SORCS2: variants seen among roughly 807,000 people sequenced by gnomAD.
SORCS2 encodes the protein sortilin related VPS10 domain containing receptor 2.
In SORCS2, 100 loss-of-function variants were observed where a neutral mutation model predicts 141.6. The ratio of observed to expected loss-of-function variants is 0.71; its 90% CI spans 0.60 to 0.83. SORCS2 has a LOEUF of 0.83. SORCS2 is among the 40% of genes least tolerant of loss of function. The pLI, the probability that SORCS2 is intolerant of heterozygous loss-of-function variation, is 0.00. For synonymous variants in SORCS2, 789 were observed against 676.9 expected, an observed-to-expected ratio of 1.17 and a Z score of -2.57; for missense variants, 1,646 against 1,560.2, an observed-to-expected ratio of 1.05 and a Z score of -0.93.
At chr4:7,344,004 G>T (rs1720515209) in intron 1 of SORCS2, among the ~76,000 whole-genome samples, 1 of 152,172 alleles carries the variant, frequency 6.6e-6, no homozygotes, top group African/African-American at 2.4e-5. Flanking sequence ...TGGCTTCTAG[G>T]CCCTGGTACA....
At chr4:7,227,388 C>T (rs867123651) in intron 1 of SORCS2, among the ~76,000 whole-genome samples, 1 of 152,226 alleles carries the variant, frequency 6.6e-6, no homozygotes, top group African/African-American at 2.4e-5. Context: ...GCGAGGGAGC[C>T]GCTTTCTTCT....
chr4:7,527,190 TCGGAC>T (rs1733749261), intron 2 of SORCS2, among the ~76,000 whole-genome samples: 1 of 152,068 alleles, frequency 6.6e-6, no homozygotes, highest in Non-Finnish European at 1.5e-5. Flanking sequence ...TACACATACC[TCGGAC>T]CCGGCTCAAA....
At chr4:7,557,155 G>A (rs1714193492) in intron 3 of SORCS2, among the ~76,000 whole-genome samples, 1 of 152,100 alleles carries the variant, frequency 6.6e-6, no homozygotes, top group South Asian at 2.1e-4. Flanking sequence ...CTTCTTATGG[G>A]GACACTGAGG....
At chr4:7,554,615 G>A (rs1237365315) in intron 3 of SORCS2, among the ~76,000 whole-genome samples, 3 of 152,188 alleles carry the variant, frequency 2.0e-5, no homozygotes, top group Non-Finnish European at 2.9e-5. Context: ...TGTGTAGGTA[G>A]AATGATGAAA....
intron 1 of SORCS2, among the ~76,000 whole-genome samples, chr4:7,389,542 A>G (rs1354677477): frequency 6.6e-6 from 1 of 152,184 alleles, no homozygotes; most frequent in Non-Finnish European, 1.5e-5. Flanking sequence ...CCTGCTGCTG[A>G]TGAATTCACT....
chr4:7,313,964 G>C (rs1169107091), intron 1 of SORCS2, among the ~76,000 whole-genome samples: 1 of 152,220 alleles, frequency 6.6e-6, no homozygotes, highest in East Asian at 1.9e-4. Flanking sequence ...CCATGCCACA[G>C]GTGCTCAGAG....
At chr4:7,313,242 C>T (rs958300347) in intron 1 of SORCS2, among the ~76,000 whole-genome samples, 3 of 152,238 alleles carry the variant, frequency 2.0e-5, no homozygotes, top group Admixed American at 6.5e-5. Context: ...GCTAAACGTG[C>T]GCTGTGGGCA....
At chr4:7,236,795 G>T (rs1247905692) in intron 1 of SORCS2, among the ~76,000 whole-genome samples, 1 of 152,196 alleles carries the variant, frequency 6.6e-6, no homozygotes, top group African/African-American at 2.4e-5. Context: ...TGGCCAGGCT[G>T]GTCTCGAACT....
At position 7,299,190 on chromosome 4, in the gene SORCS2, G is replaced by T. The variant is rs183902992; in HGVS notation, c.481-97098G>T. ...AGTCAGGGCGGCCTGTCCGGGGCTG[G>T]GGGTGGGCCCCCTGGCAGCCGGAGC... On this transcript the variant is annotated intron_variant, in intron 1 of 26. Coordinates refer to ENST00000507866, the MANE Select transcript of SORCS2 (RefSeq NM_020777.3). 3.7e-3 allele frequency among the ~76,000 whole-genome samples: 564 copies of T among 152,364 alleles called. 4 individuals carry two copies. The highest frequency in any genetic ancestry group is 3.5e-3 in the Non-Finnish European group (235 of 68,032).
At chr4:7,602,788 T>TC (rs1717814923) in intron 3 of SORCS2, among the ~76,000 whole-genome samples, 1 of 152,114 alleles carries the variant, frequency 6.6e-6, no homozygotes, top group South Asian at 2.1e-4. Flanking sequence ...ATCTCGGCAC[T>TC]TTGGGAGGCC....
chr4:7,606,945 G>A (rs1406431923), intron 3 of SORCS2, among the ~76,000 whole-genome samples: 1 of 152,168 alleles, frequency 6.6e-6, no homozygotes, highest in Non-Finnish European at 1.5e-5. Flanking sequence ...GATAAACAGA[G>A]TGGGGACAAC....
At chr4:7,477,785 T>C (rs1369241420) in intron 2 of SORCS2, among the ~76,000 whole-genome samples, 1 of 152,226 alleles carries the variant, frequency 6.6e-6, no homozygotes, top group African/African-American at 2.4e-5. Flanking sequence ...CCCAGAATTC[T>C]GTCTCCAAAT....
intron 9 of SORCS2, among the ~76,000 whole-genome samples, chr4:7,677,606 G>A (rs1383559356): frequency 6.6e-6 from 1 of 152,192 alleles, no homozygotes; most frequent in African/African-American, 2.4e-5. Context: ...TCCCGTGGGT[G>A]GCCAGTAGAC....
intron 2 of SORCS2, among the ~76,000 whole-genome samples, chr4:7,435,174 T>TG (rs1393674889): frequency 6.6e-6 from 1 of 152,134 alleles, no homozygotes; most frequent in Non-Finnish European, 1.5e-5. Flanking sequence ...TCCTGGCCCC[T>TG]GGGCTGTGTC....
chr4:7,550,882 C>T (rs897530726), intron 3 of SORCS2, among the ~76,000 whole-genome samples: 2 of 152,198 alleles, frequency 1.3e-5, no homozygotes, highest in African/African-American at 4.8e-5. Context: ...CTCACCCGCT[C>T]ATCTGCTGTC....
At chr4:7,316,696 T>A (rs912998141) in intron 1 of SORCS2, among the ~76,000 whole-genome samples, 3 of 152,196 alleles carry the variant, frequency 2.0e-5, no homozygotes, top group Non-Finnish European at 4.4e-5. Context: ...AGTGCTGAAA[T>A]GTTCTGTTCA....
At chr4:7,671,003 C>G (rs1722766942) in intron 8 of SORCS2, among the ~76,000 whole-genome samples, 1 of 152,178 alleles carries the variant, frequency 6.6e-6, no homozygotes, top group African/African-American at 2.4e-5. Flanking sequence ...TTATTTTTCC[C>G]CCTTTTCCCT....
At chr4:7,598,892 G>A (rs932481364) in intron 3 of SORCS2, among the ~76,000 whole-genome samples, 12 of 152,292 alleles carry the variant, frequency 7.9e-5, no homozygotes, top group East Asian at 5.8e-4. Flanking sequence ...TGTCACTGCC[G>A]CAGCACGAGG....
intron 1 of SORCS2, among the ~76,000 whole-genome samples, chr4:7,374,674 C>A (rs896561177): frequency 6.6e-6 from 1 of 152,148 alleles, no homozygotes; most frequent in Non-Finnish European, 1.5e-5. Context: ...GGTCCCCGAT[C>A]GCTGAACAGC....
Sources: gnomAD v4.1 joint callset for allele counts (sites outside exome capture counted in the v4.1 genomes callset) on GRCh38, gnomAD v4.1.1 for gene constraint, MANE v1.5 for transcripts, NCBI Gene and HGNC (gene_info 2026-07-23, HGNC 2026-07-21) for gene names.